IMPG1: variants seen among roughly 807,000 people sequenced by gnomAD.
IMPG1 encodes interphotoreceptor matrix proteoglycan of 150 kDa.
In IMPG1, 85 loss-of-function variants were observed where a neutral mutation model predicts 92.0. The ratio of observed to expected loss-of-function variants is 0.92; its 90% CI spans 0.78 to 1.11. The LOEUF (loss-of-function observed/expected upper bound fraction) is 1.11, where lower values mean the gene tolerates loss of function less well. Among genes scored for constraint, IMPG1 ranks in the 50% least tolerant of loss-of-function variants. IMPG1 has a pLI of 0.00. For missense variants in IMPG1, 1,022 were observed against 956.0 expected (o/e 1.07, Z -0.91); for synonymous variants, 367 against 334.1 (o/e 1.10, Z -1.08).
chr6:75,999,157 G>A (rs1176426661), intron 12 of IMPG1, among the ~76,000 whole-genome samples: 3 of 151,762 alleles, frequency 2.0e-5, no homozygotes, highest in East Asian at 3.9e-4. Context: ...GCGCCCGGCC[G>A]ATAGGAGTGA....
intron 12 of IMPG1, among the ~76,000 whole-genome samples, chr6:75,970,222 A>G (rs1024362045): frequency 2.0e-5 from 3 of 152,204 alleles, no homozygotes; most frequent in African/African-American, 7.2e-5. Context: ...GTATTTTTAA[A>G]TTATGCCTTT....
At chr6:76,042,188 A>G (rs1018955170) in intron 1 of IMPG1, 62 bp from the exon 2 acceptor site, 33 of 863,890 alleles carry the variant, frequency 3.8e-5, no homozygotes, top group Non-Finnish European at 5.8e-5. Flanking sequence ...TGTGACATAT[A>G]TGGATAAATG....
At chr6:76,004,627 C>T (rs976157535) in intron 10 of IMPG1, among the ~76,000 whole-genome samples, 17 of 152,148 alleles carry the variant, frequency 1.1e-4, no homozygotes, top group Non-Finnish European at 2.4e-4. Flanking sequence ...GAGGACTGCC[C>T]TCTGAGGATC....
rs541935734 is a variant in IMPG1 at position 76,000,755 on chromosome 6, A to C, written c.1291+2163T>G. Reference sequence around the variant, plus strand: ...GTCATCTGTGACTTTTGTGAAAGTTACATCCCTGCTTTATGGGTTAGAGGT... The same window carrying C: ...GTCATCTGTGACTTTTGTGAAAGTTCCATCCCTGCTTTATGGGTTAGAGGT... On this transcript the variant is annotated intron_variant, in intron 12 of 16. Coordinates refer to ENST00000369950, the MANE Select transcript of IMPG1 (RefSeq NM_001563.4). Among the ~76,000 whole-genome samples the C allele has an allele frequency of 2.4e-3, 369 of 152,334 alleles. 1 individual carries two copies. Among genetic ancestry groups the C allele is most frequent in the African/African-American group, 8.2e-3 (341 of 41,574 alleles).
intron 12 of IMPG1, among the ~76,000 whole-genome samples, chr6:75,969,731 AAAACAAAC>A (rs56113426): frequency 2.8e-4 from 43 of 151,770 alleles, no homozygotes; most frequent in African/African-American, 6.5e-4. Flanking sequence ...TCCATCTCAA[AAAACAAAC>A]AAACAAACAA....
chr6:75,979,748 G>C (rs944922800), intron 12 of IMPG1, among the ~76,000 whole-genome samples: 5 of 152,190 alleles, frequency 3.3e-5, no homozygotes, highest in African/African-American at 1.2e-4. Context: ...ATATTTTAAT[G>C]ATAGCAATTC....
At chr6:76,054,646 C>A (rs760152027) in intron 1 of IMPG1, among the ~76,000 whole-genome samples, 10 of 152,168 alleles carry the variant, frequency 6.6e-5, no homozygotes, top group Middle Eastern at 6.8e-3. Flanking sequence ...TAATAACCAG[C>A]TCTGGGAGAT....
chr6:76,061,324 G>A (rs991502431), intron 1 of IMPG1, among the ~76,000 whole-genome samples: 1 of 152,202 alleles, frequency 6.6e-6, no homozygotes, highest in African/African-American at 2.4e-5. Flanking sequence ...GAACAAGAAA[G>A]TCTGTCTGGG....
chr6:76,022,853 G>T (rs1038757859), intron 5 of IMPG1, among the ~76,000 whole-genome samples: 1 of 152,136 alleles, frequency 6.6e-6, no homozygotes, highest in African/African-American at 2.4e-5. Flanking sequence ...TTAAAAAAAT[G>T]CTCAGAGAAA....
intron 14 of IMPG1, among the ~76,000 whole-genome samples, chr6:75,931,505 T>C (rs998472322): frequency 1.3e-5 from 2 of 152,100 alleles, no homozygotes; most frequent in Admixed American, 6.5e-5. Context: ...TTCCCGGTGA[T>C]GCTGATGCAT....
At chr6:75,974,350 TCTTTC>T (rs1782477711) in intron 12 of IMPG1, among the ~76,000 whole-genome samples, 1 of 113,622 alleles carries the variant, frequency 8.8e-6, no homozygotes, top group Non-Finnish European at 1.8e-5. Flanking sequence ...TTTCTTTCTT[TCTTTC>T]TTTCTTTCTT....
At chr6:76,020,549 G>A (rs1266444783) in intron 6 of IMPG1, among the ~76,000 whole-genome samples, 1 of 152,100 alleles carries the variant, frequency 6.6e-6, no homozygotes, top group South Asian at 2.1e-4. Flanking sequence ...AAGGGGAAAG[G>A]GTTAGAGGAG....
chr6:75,964,668 C>T (rs547185019), intron 12 of IMPG1, among the ~76,000 whole-genome samples: 7 of 101,170 alleles, frequency 6.9e-5, no homozygotes, highest in African/African-American at 3.0e-4. Flanking sequence ...CAGAGTGAGA[C>T]TAGTCTCAAA....
intron 12 of IMPG1, among the ~76,000 whole-genome samples, chr6:75,969,086 T>A (rs1782358984): frequency 6.6e-6 from 1 of 152,112 alleles, no homozygotes; most frequent in African/African-American, 2.4e-5. Context: ...CTCACTTATA[T>A]GTGGAATCTA....
intron 15 of IMPG1, among the ~76,000 whole-genome samples, chr6:75,928,185 C>T (rs1781592128): frequency 6.6e-6 from 1 of 151,798 alleles, no homozygotes; most frequent in Non-Finnish European, 1.5e-5. Flanking sequence ...CTTCCCACCC[C>T]TCAACCTTTC....
chr6:75,932,251 G>C (rs918196097), intron 14 of IMPG1, among the ~76,000 whole-genome samples: 2 of 152,204 alleles, frequency 1.3e-5, no homozygotes, highest in Admixed American at 6.5e-5. Context: ...AGAGCCCCAA[G>C]GGGGAGCTAT....
At chr6:75,963,210 G>T (rs1782238318) in intron 12 of IMPG1, among the ~76,000 whole-genome samples, 1 of 152,086 alleles carries the variant, frequency 6.6e-6, no homozygotes, top group African/African-American at 2.4e-5. Flanking sequence ...GGTATTGCAA[G>T]AAACTTAACT....
chr6:76,028,814 G>A (rs371814022), intron 4 of IMPG1, among the ~76,000 whole-genome samples: 19 of 151,946 alleles, frequency 1.3e-4, no homozygotes, highest in South Asian at 4.1e-4. Flanking sequence ...GCGAGACTCC[G>A]TCTCAAGAAA....
chr6:75,995,910 T>C (rs1004480722), intron 12 of IMPG1, among the ~76,000 whole-genome samples: 3 of 152,264 alleles, frequency 2.0e-5, no homozygotes, highest in Non-Finnish European at 4.4e-5. Context: ...ACCCAAATCA[T>C]GACAGGCATA....
Sources: allele counts gnomAD v4.1 joint callset (sites outside exome capture counted in the v4.1 genomes callset), GRCh38; gene constraint gnomAD v4.1.1; transcripts MANE v1.5; gene names NCBI Gene and HGNC (gene_info 2026-07-23, HGNC 2026-07-21).